Variants in RPL24 observed in about 807,000 individuals in gnomAD.
The protein encoded by RPL24 is large ribosomal subunit protein eL24.
RPL24 carries 7 observed loss-of-function variants against 26.4 expected under a neutral mutation model. The ratio of observed to expected loss-of-function variants is 0.27; its 90% CI spans 0.15 to 0.50. RPL24 has a LOEUF of 0.50. Among genes scored for constraint, RPL24 ranks in the 20% least tolerant of loss-of-function variants. RPL24 has a pLI of 0.98. For missense variants in RPL24, 109 were observed against 194.9 expected (o/e 0.56, Z 2.62); for synonymous variants, 67 against 65.2 (o/e 1.03, Z -0.13).
intron 3 of RPL24, among the ~76,000 whole-genome samples, chr3:101,685,522 A>C (rs1216188719): frequency 1.3e-5 from 2 of 152,172 alleles, no homozygotes; most frequent in African/African-American, 4.8e-5. Context: ...AATCAAAACC[A>C]AATTATGGTA....
intron 2 of RPL24, chr3:101,686,160 G>A (rs1278649996): frequency 1.2e-5 from 7 of 578,066 alleles, no homozygotes; most frequent in African/African-American, 1.9e-5. Context: ...TCATAGCAAA[G>A]GACAGGGTGG....
At chr3:101,683,034 C>T in intron 3 of RPL24, 127 bp from the exon 4 acceptor site, 1 of 855,916 alleles carries the variant, frequency 1.2e-6, no homozygotes, top group South Asian at 2.1e-5. Context: ...AAAAATAATT[C>T]ATATATTTGA....
At position 101,682,258 on chromosome 3, in the gene RPL24, C is replaced by A. The variant is rs571348754; in HGVS notation, c.393+171G>T. On this transcript the variant is annotated intron_variant, in intron 5 of 5. Coordinates refer to ENST00000394077, the MANE Select transcript of RPL24 (RefSeq NM_000986.4). ...GCGCGCACCTGTACTCCCAGCTACTCGGGAGGCTGAGGCAGGAGTATCACT... is the reference window on the plus strand; with the variant it reads ...GCGCGCACCTGTACTCCCAGCTACTAGGGAGGCTGAGGCAGGAGTATCACT... 4.2e-5 allele frequency: 26 copies of A among 620,246 alleles called. No homozygotes were observed. In the Admixed American group the frequency reaches 4.5e-4, roughly 11 times the overall value. The allele number at this position is 620,246 out of a possible 1,614,324, so 38.4% of individuals were successfully genotyped here. A position where few individuals can be genotyped will look rare whatever the true frequency, so the allele number is the denominator to read the frequency against.
At chr3:101,685,545 C>T (rs1231609170) in intron 3 of RPL24, among the ~76,000 whole-genome samples, 1 of 152,180 alleles carries the variant, frequency 6.6e-6, no homozygotes, top group African/African-American at 2.4e-5. Context: ...TTCTCAATTT[C>T]CTCCCACTGG....
At chr3:101,681,765 CAGG>C (rs1937266313) in intron 5 of RPL24, 1 of 154,798 alleles carries the variant, frequency 6.5e-6, no homozygotes, top group African/African-American at 2.4e-5. Context: ...CACTTGAGCC[CAGG>C]AGGTTGAGGC....
In RPL24 at chr3:101,685,441, G is replaced by T. The variant is rs560169022; in HGVS notation, c.192+377C>A. On this transcript the variant is annotated intron_variant, in intron 3 of 5. Transcript: ENST00000394077. The stretch of plus-strand genomic sequence containing the variant: ...CCAGAAAAACCACTGTTTTTCTAGT[G>T]AATGAACTAGTGTATGGTGGACTGG... 4.6e-5 allele frequency among the ~76,000 whole-genome samples: 7 copies of T among 152,254 alleles called. 1 individual carries two copies. The South Asian group carries it at 1.5e-3, about 32-fold the overall frequency.
At position 101,685,968 on chromosome 3, in the gene RPL24, CA is replaced by C. The variant is rs746027188; in HGVS notation, c.82-41del. On this transcript the variant is annotated intron_variant, in intron 2 of 5. Coordinates refer to ENST00000394077, the MANE Select transcript of RPL24 (RefSeq NM_000986.4). ...GCAAAGGAATTACTATTTAACTATA[CA>C]AAGTACAAGAGGCTGAGTAAGCTTG... The C allele has an allele frequency of 2.3e-6, 3 of 1,302,812 alleles. No homozygotes were observed. In the South Asian group the frequency reaches 3.5e-5, roughly 15 times the overall value. The allele number at this position is 1,302,812 out of a possible 1,614,324, so 80.7% of individuals were successfully genotyped here. A position where few individuals can be genotyped will look rare whatever the true frequency, so the allele number is the denominator to read the frequency against.
rs1937341914 is a variant in RPL24, at chr3:101,686,369, A to G, written c.81+113T>C. Reference sequence around the variant, plus strand: ...ACGACCAGTCCACAGAGCGTCCACGAAGACTTCCAGAGGCCAGTGGTGATG... The same window carrying G: ...ACGACCAGTCCACAGAGCGTCCACGGAGACTTCCAGAGGCCAGTGGTGATG... On this transcript the variant is annotated intron_variant, in intron 2 of 5. Transcript: ENST00000394077. The G allele has an allele frequency of 1.2e-4, 102 of 825,260 alleles. 3 individuals carry two copies. The South Asian group carries it at 1.7e-3, about 14-fold the overall frequency. The allele number at this position is 825,260 out of a possible 1,614,324, so 51.1% of individuals were successfully genotyped here. A position where few individuals can be genotyped will look rare whatever the true frequency, so the allele number is the denominator to read the frequency against.
intron 3 of RPL24, among the ~76,000 whole-genome samples, chr3:101,684,895 G>T (rs1937316068): frequency 1.4e-5 from 2 of 139,092 alleles, no homozygotes; most frequent in African/African-American, 5.4e-5. Context: ...TTTTTTAAAG[G>T]TCTCCTATGT....
rs1479128026 is a variant in RPL24, at chr3:101,685,935, T to C, written c.82-7A>G. ...CATTAAGAAACTGGAAAACCTAGAG[T>C]GACAAATGCAAAGGAATTACTATTT... On this transcript the variant is annotated splice_polypyrimidine_tract_variant and splice_region_variant and intron_variant, in intron 2 of 5. Transcript: ENST00000394077. 1.3e-6 allele frequency: 2 copies of C among 1,567,160 alleles called. No individual in the cohort carries two copies. Among genetic ancestry groups the C allele is most frequent in the Non-Finnish European group, 8.8e-7 (1 of 1,137,414 alleles).
At chr3:101,685,659 G>T (rs1011827809) in intron 3 of RPL24, among the ~76,000 whole-genome samples, 159 bp downstream of exon 3, 1 of 150,554 alleles carries the variant, frequency 6.6e-6, no homozygotes, top group Non-Finnish European at 1.5e-5. Flanking sequence ...AAAATATATA[G>T]AGACAGTTTA....
In RPL24 at chr3:101,686,545, G is replaced by A. The variant is rs139986390; in HGVS notation, c.18C>T (p.Cys6=). 94 of 1,614,090 alleles carry A rather than the reference G, an allele frequency of 5.8e-5. No homozygotes were observed. In the Middle Eastern group the frequency reaches 1.8e-3, roughly 31 times the overall value. Residue 6 remains cysteine (C), a synonymous_variant, in exon 2 of 6, where the codon TGC becomes TGT. Coordinates refer to ENST00000394077, the MANE Select transcript of RPL24 (RefSeq NM_000986.4). ...GGTAGATCTTGTACCCGCTAAAACTGCACAGCTCGACCCTGCAACAAAAAG... is the reference window on the plus strand; with the variant it reads ...GGTAGATCTTGTACCCGCTAAAACTACACAGCTCGACCCTGCAACAAAAAG... MKVEL[C]SFSGYKIYPG... is the part of the protein sequence containing the mutation.
In RPL24 at chr3:101,682,800, A is replaced by C. The variant is rs1370889302; in HGVS notation, c.300T>G (p.Val100=). 1 of 1,613,170 alleles carries C rather than the reference A, an allele frequency of 6.2e-7. No individual in the cohort carries two copies. Among genetic ancestry groups the C allele is most frequent in the African/African-American group, 1.3e-5 (1 of 74,898 alleles). Residue 100 remains valine, a synonymous_variant, in exon 4 of 6, where the codon GTT becomes GTG. Transcript: ENST00000394077. ...IMAKRNQKPE[V]RKAQREQAIR... is the part of the protein sequence containing the mutation. ...TAGCTTGTTCTCGTTGAGCCTTTCT[A>C]ACTTCAGGTTTCTGATTCCTCTTGG...
chr3:101,686,482 C>T lies in RPL24; in HGVS notation c.81G>A (p.Lys27=), dbSNP rs1937344463. 1 of 1,613,646 alleles carries T rather than the reference C, an allele frequency of 6.2e-7. No individual in the cohort carries two copies. Among genetic ancestry groups the T allele is most frequent in the Non-Finnish European group, 8.5e-7 (1 of 1,179,794 alleles). The change falls in exon 2 of 6, where the codon AAG becomes AAA. Residue 27 remains lysine, a splice_region_variant and synonymous_variant. Coordinates refer to ENST00000394077, the MANE Select transcript of RPL24 (RefSeq NM_000986.4). ...AGGTGAAGCCGACGCGGCTTTTTAC[C>T]TTCCCGTCGGTCCTGGCGTAGCGCC... ...HGRRYARTDG[K]VFQFLNAKCE...
Position 101,686,663 on chromosome 3 carries a change from C to A in RPL24, c.5+9G>T, listed in dbSNP as rs1937348343. The A allele has an allele frequency of 2.5e-6, 4 of 1,614,114 alleles. No homozygotes were observed. The African/African-American group carries it at 4.0e-5, about 16-fold the overall frequency. ...TGTAAGCGGATTGGGAACCACGGGTCGTGCTTACTTCATGGCGACAGCTCC... is the reference window on the plus strand; with the variant it reads ...TGTAAGCGGATTGGGAACCACGGGTAGTGCTTACTTCATGGCGACAGCTCC... On this transcript the variant is annotated intron_variant, in intron 1 of 5. Coordinates refer to ENST00000394077, the MANE Select transcript of RPL24 (RefSeq NM_000986.4).
chr3:101,682,459 T>C lies in RPL24; in HGVS notation c.363A>G (p.Ala121=). ...AAKEAKKAKQ[A]SKKTAMAAAK... ...CAGCAGCCATTGCAGTCTTTTTAGA[T>C]GCTTGCTTAGCCTTTTTTGCTTCCT... is the stretch of plus-strand genomic sequence containing the variant. The change falls in exon 5 of 6, where the codon GCA becomes GCG. Residue 121 remains alanine (A), a synonymous_variant. Coordinates refer to ENST00000394077, the MANE Select transcript of RPL24 (RefSeq NM_000986.4). The C allele has an allele frequency of 6.2e-7, 1 of 1,614,138 alleles. No individual in the cohort carries two copies. The highest frequency in any genetic ancestry group is 1.1e-5 in the South Asian group (1 of 91,086).
In RPL24 at chr3:101,685,822, T is replaced by A. The variant is rs778610574; in HGVS notation, c.188A>T (p.Gln63Leu). 6.3e-7 allele frequency: 1 copy of A among 1,581,028 alleles called. No individual in the cohort carries two copies. Among genetic ancestry groups the A allele is most frequent in the Non-Finnish European group, 8.7e-7 (1 of 1,151,318 alleles). ...VLYRRKHKKG[Q>L]SEEIQKKRTR... Reference sequence around the variant, plus strand: ...ATCAAGGCGTATTCCACTTACCGACTGTCCCTTTTTGTGCTTCCTTCTGTA... The same window carrying A: ...ATCAAGGCGTATTCCACTTACCGACAGTCCCTTTTTGTGCTTCCTTCTGTA... Residue 63 changes from glutamine to leucine, a missense_variant, in exon 3 of 6, where the codon CAG becomes CTG. Gln to Leu is a moderately radical substitution (Grantham distance 113). Around this residue, in one of 3 missense-constraint regions of RPL24, gnomAD observed 69 missense variants for 96.2 expected, o/e 0.72. Coordinates refer to ENST00000394077, the MANE Select transcript of RPL24 (RefSeq NM_000986.4).
chr3:101,686,433 T>A, intron 2 of RPL24, 49 bp downstream of exon 2: 1 of 1,548,012 alleles, frequency 6.5e-7, no homozygotes, highest in Non-Finnish European at 8.8e-7. Context: ...AAACCAGCCT[T>A]TCCTCCTCGG....
chr3:101,683,959 G>A (rs930453932), intron 3 of RPL24, among the ~76,000 whole-genome samples: 3 of 151,952 alleles, frequency 2.0e-5, no homozygotes, highest in African/African-American at 7.3e-5. Flanking sequence ...CAATCTGTCC[G>A]CCTTGGCCTC....
Sources: gnomAD v4.1 joint callset for allele counts (sites outside exome capture counted in the v4.1 genomes callset) on GRCh38, gnomAD v4.1.1 for gene constraint, gnomAD v4.1.1 regional missense constraint, MANE v1.5 for transcripts, NCBI Gene and HGNC (gene_info 2026-07-23, HGNC 2026-07-21) for gene names.